Variants in ABL2 observed in about 807,000 individuals in gnomAD.
The protein encoded by ABL2 is ABL proto-oncogene 2, non-receptor tyrosine kinase.
ABL2 carries 49 observed loss-of-function variants against 107.7 expected under a neutral mutation model. The observed-to-expected ratio is 0.45, with a 90% CI of 0.36 to 0.58. The LOEUF is 0.58. Among genes scored for constraint, ABL2 ranks in the 20% least tolerant of loss-of-function variants. ABL2 has a pLI of 0.00. For missense variants in ABL2, 1,245 were observed against 1,457.0 expected (o/e 0.85, Z 2.37); for synonymous variants, 549 against 548.6 (o/e 1.00, Z -0.01).
intron 1 of ABL2, among the ~76,000 whole-genome samples, chr1:179,194,541 C>T (rs1661195469): frequency 6.6e-6 from 1 of 152,142 alleles, no homozygotes. Flanking sequence ...GGTATCAACA[C>T]ACTATTTACA....
At chr1:179,111,918 G>A (rs1044573453) in intron 10 of ABL2, among the ~76,000 whole-genome samples, 3 of 152,040 alleles carry the variant, frequency 2.0e-5, no homozygotes, top group Non-Finnish European at 2.9e-5. Context: ...GGTAGCAGGT[G>A]CCTGCAATCC....
intron 1 of ABL2, among the ~76,000 whole-genome samples, chr1:179,140,257 A>G (rs1193614121): frequency 6.6e-6 from 1 of 152,168 alleles, no homozygotes; most frequent in Non-Finnish European, 1.5e-5. Context: ...AAGCAGGCAC[A>G]CTTCTGCCTC....
chr1:179,227,985 G>A (rs1298790121), intron 1 of ABL2, among the ~76,000 whole-genome samples: 1 of 148,790 alleles, frequency 6.7e-6, no homozygotes, highest in Non-Finnish European at 1.5e-5. Context: ...GGGAGGCAGA[G>A]GTTGCAGTGA....
At chr1:179,204,047 T>C (rs1006238241) in intron 1 of ABL2, among the ~76,000 whole-genome samples, 2 of 151,906 alleles carry the variant, frequency 1.3e-5, no homozygotes, top group Non-Finnish European at 2.9e-5. Flanking sequence ...TATTTAGAGA[T>C]GGAGTCTCTC....
In ABL2 at chr1:179,107,049, A is replaced by G. The variant is rs1043943052; in HGVS notation, c.*669T>C. ...TCTGCTAATCTGTGTAAGATTTTAG[A>G]AGGTTTTCAATTTCTGATTCAACTT... On this transcript the variant is annotated 3_prime_UTR_variant, in exon 12 of 12. Coordinates refer to ENST00000502732, the MANE Select transcript of ABL2 (RefSeq NM_007314.4). 37 of 229,988 alleles carry G rather than the reference A, an allele frequency of 1.6e-4. No individual in the cohort carries two copies. The highest frequency in any genetic ancestry group is 1.3e-3 in the Middle Eastern group (1 of 762). The allele number at this position is 229,988 out of a possible 1,614,324, so 14.2% of individuals were successfully genotyped here.
intron 1 of ABL2, among the ~76,000 whole-genome samples, chr1:179,220,620 A>T (rs1662818759): frequency 6.6e-6 from 1 of 152,196 alleles, no homozygotes; most frequent in African/African-American, 2.4e-5. Flanking sequence ...CAGAAAACAA[A>T]CTTCAGCTAG....
chr1:179,203,583 A>T, intron 1 of ABL2, among the ~76,000 whole-genome samples: 1 of 151,822 alleles, frequency 6.6e-6, no homozygotes, highest in East Asian at 1.9e-4. Context: ...AATAACCTCT[A>T]TTTGTATTAT....
Position 179,133,359 on chromosome 1 carries a change from C to G in ABL2, c.173G>C (p.Cys58Ser). Residue 58 changes from cysteine (C) to serine (S), a missense_variant, in exon 2 of 12, where the codon TGT (cysteine) becomes TCT (serine). Transcript: ENST00000502732. ...IFTQHDHFAS[C>S]VEDGFEGDKT... is the part of the protein sequence containing the mutation. Reference sequence around the variant, plus strand: ...GTCTCCCTCAAATCCATCCTCCACACAGCTGGCAAAGTGATCTATTTAAGA... The same window carrying G: ...GTCTCCCTCAAATCCATCCTCCACAGAGCTGGCAAAGTGATCTATTTAAGA... 1.2e-6 allele frequency: 2 copies of G among 1,614,158 alleles called. No homozygotes were observed. Among genetic ancestry groups the G allele is most frequent in the Non-Finnish European group, 1.7e-6 (2 of 1,180,034 alleles).
At chr1:179,206,234 T>TA (rs1661962049) in intron 1 of ABL2, among the ~76,000 whole-genome samples, 1 of 152,102 alleles carries the variant, frequency 6.6e-6, no homozygotes, top group South Asian at 2.1e-4. Context: ...TAAGAGAACA[T>TA]AAAGTGCAGA....
intron 9 of ABL2, 102 bp from the exon 10 acceptor site, chr1:179,112,500 A>G: frequency 2.4e-6 from 2 of 821,638 alleles, no homozygotes; most frequent in Non-Finnish European, 3.9e-6. Context: ...ACACTTATTA[A>G]AGTACAGTTA....
intron 1 of ABL2, among the ~76,000 whole-genome samples, chr1:179,135,653 G>T (rs1302823057): frequency 6.7e-6 from 1 of 149,912 alleles, no homozygotes; most frequent in Non-Finnish European, 1.5e-5. Context: ...GGAGGTGAGG[G>T]GGTCAGCCCC....
intron 1 of ABL2, among the ~76,000 whole-genome samples, chr1:179,228,204 G>A (rs61821691): frequency 0.051 from 7,733 of 151,320 alleles, 238 homozygotes; most frequent in Middle Eastern, 0.098. Context: ...AAAATTAGCC[G>A]GGCGTGGTGG....
intron 4 of ABL2, among the ~76,000 whole-genome samples, chr1:179,122,084 G>A (rs1357692890): frequency 6.6e-6 from 1 of 151,392 alleles, no homozygotes; most frequent in Non-Finnish European, 1.5e-5. Context: ...CCGCCACCAT[G>A]CCCGGCTAAT....
chr1:179,135,657 C>G (rs1656842479), intron 1 of ABL2, among the ~76,000 whole-genome samples: 1 of 146,156 alleles, frequency 6.8e-6, no homozygotes, highest in Non-Finnish European at 1.5e-5. Flanking sequence ...GTGAGGGGGT[C>G]AGCCCCCCGC....
chr1:179,204,998 C>T (rs1052140898), intron 1 of ABL2, among the ~76,000 whole-genome samples: 4 of 151,536 alleles, frequency 2.6e-5, no homozygotes, highest in Non-Finnish European at 5.9e-5. Context: ...TATTTAGCAA[C>T]CAGCAGAGCA....
Position 179,101,687 on chromosome 1 carries a change from T to A in ABL2, c.*6031A>T, listed in dbSNP as rs1653104455. 5.5e-6 allele frequency: 1 copy of A among 181,046 alleles called. No individual in the cohort carries two copies. Among genetic ancestry groups the A allele is most frequent in the African/African-American group, 2.4e-5 (1 of 42,384 alleles). 11.2% of individuals were successfully genotyped at this position (181,046 alleles called of 1,614,324 possible). A position where few individuals can be genotyped will look rare whatever the true frequency, so the allele number is the denominator to read the frequency against. On this transcript the variant is annotated 3_prime_UTR_variant, in exon 12 of 12. Coordinates refer to ENST00000502732, the MANE Select transcript of ABL2 (RefSeq NM_007314.4). The stretch of plus-strand genomic sequence containing the variant: ...TGCCCAGCCAAAAGGTATCATCTTG[T>A]ACATACTCAAGATAGAATACATACC...
chr1:179,155,868 TAC>T (rs982725750), intron 1 of ABL2, among the ~76,000 whole-genome samples: 1 of 152,166 alleles, frequency 6.6e-6, no homozygotes, highest in Admixed American at 6.5e-5. Flanking sequence ...AAAAATTGAA[TAC>T]ACAGTGTCCT....
At chr1:179,112,826 T>C (rs550938941) in intron 9 of ABL2, among the ~76,000 whole-genome samples, 11 of 151,656 alleles carry the variant, frequency 7.3e-5, no homozygotes, top group Non-Finnish European at 1.6e-4. Context: ...GCGATCTCGG[T>C]TCACTGCAAC....
intron 1 of ABL2, among the ~76,000 whole-genome samples, chr1:179,226,852 A>G (rs966778116): frequency 5.9e-5 from 9 of 152,138 alleles, no homozygotes; most frequent in Admixed American, 5.9e-4. Context: ...CCCTTAACAA[A>G]TACTCCAAAG....
Sources: gnomAD v4.1 joint callset for allele counts (sites outside exome capture counted in the v4.1 genomes callset) on GRCh38, gnomAD v4.1.1 for gene constraint, MANE v1.5 for transcripts, NCBI Gene and HGNC (gene_info 2026-07-23, HGNC 2026-07-21) for gene names.